NUFIP2: variants seen among roughly 807,000 people sequenced by gnomAD.
The protein encoded by NUFIP2 is nuclear FMR1 interacting protein 2, also known as FMR1-interacting protein NUFIP2.
Under a neutral mutation model 56.9 loss-of-function variants are expected in NUFIP2, and 6 were observed. The observed-to-expected ratio is 0.11, with a 90% CI of 0.06 to 0.21. The LOEUF is 0.21. NUFIP2 is among the 10% of genes least tolerant of loss of function. NUFIP2 has a pLI of 1.00. For synonymous variants in NUFIP2, 321 were observed against 298.2 expected (o/e 1.08, Z -0.79); for missense variants, 828 against 826.8 (o/e 1.00, Z -0.02).
At chr17:29,265,544 C>T (rs1166407829) in intron 3 of NUFIP2, among the ~76,000 whole-genome samples, 14 of 147,632 alleles carry the variant, frequency 9.5e-5, no homozygotes, top group Non-Finnish European at 1.7e-4. Flanking sequence ...CCTCGTGATC[C>T]GCCCGCCTCG....
chr17:29,289,246 A>C (rs115039992), intron 1 of NUFIP2, among the ~76,000 whole-genome samples: 1,902 of 152,358 alleles, frequency 0.012, 39 homozygotes, highest in African/African-American at 0.042. Context: ...GCTATTAGTT[A>C]TCTACCTTTT....
chr17:29,291,762 C>T (rs1366866440), intron 1 of NUFIP2, among the ~76,000 whole-genome samples: 1 of 152,208 alleles, frequency 6.6e-6, no homozygotes, highest in Non-Finnish European at 1.5e-5. Flanking sequence ...GCTAAAAAAT[C>T]TAGTTATATA....
chr17:29,284,706 C>CAAAAAAAAAAAAAAA (rs66700326), intron 2 of NUFIP2, among the ~76,000 whole-genome samples: 103 of 53,304 alleles, frequency 1.9e-3, no homozygotes, highest in East Asian at 3.2e-3. Flanking sequence ...GACTCCATCT[C>CAAAAAAAAAAAAAAA]AAAAAAAAAA....
At chr17:29,280,625 G>A (rs1371609315) in intron 2 of NUFIP2, among the ~76,000 whole-genome samples, 3 of 151,406 alleles carry the variant, frequency 2.0e-5, no homozygotes, top group Non-Finnish European at 2.9e-5. Flanking sequence ...GTTCAAGGGT[G>A]CAGTGAGCTA....
At chr17:29,292,391 G>A (rs1317429772) in intron 1 of NUFIP2, among the ~76,000 whole-genome samples, 1 of 151,382 alleles carries the variant, frequency 6.6e-6, no homozygotes, top group Non-Finnish European at 1.5e-5. Context: ...GGAGGGGAAT[G>A]GAACAAGGTT....
chr17:29,269,331 G>C (rs574662725), intron 2 of NUFIP2, among the ~76,000 whole-genome samples: 1 of 152,260 alleles, frequency 6.6e-6, no homozygotes, highest in East Asian at 1.9e-4. Context: ...GATACATCTA[G>C]ACTTGGGTTA....
At chr17:29,281,972 C>A (rs1197917523) in intron 2 of NUFIP2, among the ~76,000 whole-genome samples, 1 of 151,634 alleles carries the variant, frequency 6.6e-6, no homozygotes, top group Non-Finnish European at 1.5e-5. Flanking sequence ...CACTGTTAGC[C>A]AGGATGGCCT....
chr17:29,280,132 G>T (rs2069131641), intron 2 of NUFIP2, among the ~76,000 whole-genome samples: 1 of 152,120 alleles, frequency 6.6e-6, no homozygotes, highest in Non-Finnish European at 1.5e-5. Flanking sequence ...ATTTTTAAAT[G>T]AATATTCCAA....
rs2069176750 is a variant in NUFIP2 at position 29,286,670 on chromosome 17, T to C, written c.1324A>G (p.Thr442Ala). 2 of 1,614,030 alleles carry C rather than the reference T, an allele frequency of 1.2e-6. No individual in the cohort carries two copies. Among genetic ancestry groups the C allele is most frequent in the East Asian group, 2.2e-5 (1 of 44,880 alleles). ...GQPLLTTAAN[T>A]LTPISSGTDS... The stretch of plus-strand genomic sequence containing the variant: ...GTCCCAGAAGAGATGGGTGTTAGAG[T>C]ATTAGCAGCAGTAGTTAGCAGTGGC... Residue 442 changes from threonine to alanine, a missense_variant, in exon 2 of 4, where the codon ACT becomes GCT. By Grantham distance (58) the Thr-to-Ala change is moderately conservative (BLOSUM62 0). Coordinates refer to ENST00000225388, the MANE Select transcript of NUFIP2 (RefSeq NM_020772.3).
intron 2 of NUFIP2, among the ~76,000 whole-genome samples, chr17:29,282,598 T>C (rs552225866): frequency 6.6e-6 from 1 of 151,146 alleles, no homozygotes; most frequent in African/African-American, 2.4e-5. Context: ...TTTCTTTATA[T>C]AAGTTAAATA....
chr17:29,258,045 G>A lies in NUFIP2; in HGVS notation c.*6494C>T, dbSNP rs2068980505. 6.6e-6 allele frequency: 1 copy of A among 152,068 alleles called. No homozygotes were observed. The highest frequency in any genetic ancestry group is 2.4e-5 in the African/African-American group (1 of 41,418). 9.4% of individuals were successfully genotyped at this position (152,068 alleles called of 1,614,324 possible). A position where few individuals can be genotyped will look rare whatever the true frequency, so the allele number is the denominator to read the frequency against. On this transcript the variant is annotated 3_prime_UTR_variant, in exon 4 of 4. Coordinates refer to ENST00000225388, the MANE Select transcript of NUFIP2 (RefSeq NM_020772.3). ...TGGTAAGAACCATCGACTATCTCAG[G>A]CATTACTACATGGCGTTTCCAATTT...
At chr17:29,293,540 G>T (rs1474516617) in intron 1 of NUFIP2, among the ~76,000 whole-genome samples, 1 of 152,142 alleles carries the variant, frequency 6.6e-6, no homozygotes, top group Non-Finnish European at 1.5e-5. Context: ...CCTTCAGCCG[G>T]GGCCGGGGCC....
chr17:29,291,889 T>C (rs1056313457), intron 1 of NUFIP2, among the ~76,000 whole-genome samples: 2 of 152,154 alleles, frequency 1.3e-5, no homozygotes, highest in Admixed American at 6.5e-5. Context: ...AAATGGAAAA[T>C]CTGACATTCT....
intron 2 of NUFIP2, among the ~76,000 whole-genome samples, chr17:29,273,896 T>G (rs2069091506): frequency 6.6e-6 from 1 of 151,984 alleles, no homozygotes; most frequent in Admixed American, 6.6e-5. Context: ...ATGCTTCCTA[T>G]AGCGAAATGT....
rs74446695 is a variant in NUFIP2 at position 29,257,530 on chromosome 17, T to A, written c.*7009A>T. 6.6e-6 allele frequency: 1 copy of A among 152,018 alleles called. No homozygotes were observed. Among genetic ancestry groups the A allele is most frequent in the Non-Finnish European group, 1.5e-5 (1 of 67,990 alleles). 9.4% of individuals were successfully genotyped at this position (152,018 alleles called of 1,614,324 possible). A position where few individuals can be genotyped will look rare whatever the true frequency, so the allele number is the denominator to read the frequency against. ...GGAAAATTCAGATCTTTTTTTTTTT[T>A]AATGACAAGAATTGCACAGTTTATT... On this transcript the variant is annotated 3_prime_UTR_variant, in exon 4 of 4. Transcript: ENST00000225388.
At chr17:29,267,623 T>C in intron 2 of NUFIP2, 93 bp from the exon 3 acceptor site, 1 of 739,682 alleles carries the variant, frequency 1.4e-6, no homozygotes, top group Non-Finnish European at 2.2e-6. Context: ...CCTAGACTGA[T>C]TACTGCCAGA....
intron 1 of NUFIP2, among the ~76,000 whole-genome samples, chr17:29,290,205 T>C (rs950191576): frequency 6.6e-6 from 1 of 152,118 alleles, no homozygotes; most frequent in Non-Finnish European, 1.5e-5. Context: ...TTAGAACTCT[T>C]AAGAGTTCTT....
In NUFIP2 at chr17:29,263,799, C is replaced by T. The variant is rs1409139099; in HGVS notation, c.*740G>A. On this transcript the variant is annotated 3_prime_UTR_variant, in exon 4 of 4. Coordinates refer to ENST00000225388, the MANE Select transcript of NUFIP2 (RefSeq NM_020772.3). ...CAGTTGTTAAAGTCCAATATGTAACCGAAGCCAAGTTAACTATGTACCATC... is the reference window on the plus strand; with the variant it reads ...CAGTTGTTAAAGTCCAATATGTAACTGAAGCCAAGTTAACTATGTACCATC... 5 of 152,460 alleles carry T rather than the reference C, an allele frequency of 3.3e-5. No homozygotes were observed. Among genetic ancestry groups the T allele is most frequent in the Admixed American group, 1.3e-4 (2 of 15,254 alleles). 9.4% of individuals were successfully genotyped at this position (152,460 alleles called of 1,614,324 possible). A position where few individuals can be genotyped will look rare whatever the true frequency, so the allele number is the denominator to read the frequency against.
chr17:29,267,373 A>G (rs952597278), intron 3 of NUFIP2, 125 bp downstream of exon 3: 2 of 593,656 alleles, frequency 3.4e-6, no homozygotes, highest in African/African-American at 3.9e-5. Context: ...TTTTGATTGC[A>G]GTTATTAAAT....
Sources: allele counts gnomAD v4.1 joint callset (sites outside exome capture counted in the v4.1 genomes callset), GRCh38; gene constraint gnomAD v4.1.1; transcripts MANE v1.5; gene names NCBI Gene and HGNC (gene_info 2026-07-23, HGNC 2026-07-21).